The following ABCB4 variants were observed in gnomAD, a reference collection of about 807,000 sequenced individuals.
The protein encoded by ABCB4 is phosphatidylcholine translocator ABCB4.
A neutral mutation model predicts 145.7 loss-of-function variants in ABCB4; 76 were observed. The observed-to-expected ratio is 0.52, with a 90% CI of 0.43 to 0.63. The LOEUF (loss-of-function observed/expected upper bound fraction) is 0.63, where lower values mean the gene tolerates loss of function less well. Ranked by LOEUF, ABCB4 falls within the 30% of genes least tolerant of loss-of-function variation. The pLI is 0.00. For synonymous variants in ABCB4, 517 were observed against 566.8 expected, an observed-to-expected ratio of 0.91 and a Z score of 1.25; for missense variants, 1,234 against 1,553.1, an observed-to-expected ratio of 0.79 and a Z score of 3.45.
At position 87,465,205 on chromosome 7, in the gene ABCB4, C is replaced by T. The variant is rs559855841; in HGVS notation, c.136-2297G>A. ...TACTGCGCTTTTCCAATGGTCTTAG[C>T]AAACGGCACATCAGGAGATTACATC... is the stretch of plus-strand genomic sequence containing the variant. On this transcript the variant is annotated intron_variant, in intron 3 of 27. Coordinates refer to ENST00000649586, the MANE Select transcript of ABCB4 (RefSeq NM_000443.4). 5.3e-5 allele frequency among the ~76,000 whole-genome samples: 8 copies of T among 152,338 alleles called. No individual in the cohort carries two copies. In the South Asian group the frequency reaches 1.7e-3, roughly 32 times the overall value.
At chr7:87,459,775 G>A (rs192927862) in intron 4 of ABCB4, among the ~76,000 whole-genome samples, 65 of 152,296 alleles carry the variant, frequency 4.3e-4, no homozygotes, top group African/African-American at 1.4e-3. Context: ...TTCGCTGGAA[G>A]GCTAATGTGA....
chr7:87,405,030 GA>G (rs1324956743), intron 26 of ABCB4, among the ~76,000 whole-genome samples: 1 of 152,130 alleles, frequency 6.6e-6, no homozygotes, highest in Non-Finnish European at 1.5e-5. Context: ...TTATCCCAAA[GA>G]AATAAAAACT....
At chr7:87,388,670 A>T in the ABCB4 span, among the ~76,000 whole-genome samples, 2 of 152,332 alleles carry the variant, frequency 1.3e-5, no homozygotes, top group East Asian at 3.9e-4. Context: ...ACCCATAAAA[A>T]CTCTAGAAGA....
At chr7:87,411,258 C>T (rs182036307) in intron 23 of ABCB4, among the ~76,000 whole-genome samples, 2 of 152,206 alleles carry the variant, frequency 1.3e-5, no homozygotes, top group Admixed American at 1.3e-4. Flanking sequence ...ATCATCCCAC[C>T]AGAGCAGAAA....
the ABCB4 span, chr7:87,391,716 A>G: frequency 6.2e-7 from 1 of 1,600,304 alleles, no homozygotes. Flanking sequence ...TGTCAATGTG[A>G]GTATTGGAAA....
the ABCB4 span, among the ~76,000 whole-genome samples, chr7:87,387,842 C>T: frequency 6.6e-6 from 1 of 152,136 alleles, no homozygotes; most frequent in Admixed American, 6.5e-5. Flanking sequence ...ATTCCAGCTA[C>T]TCAGGAGGCT....
At chr7:87,393,134 T>C in the ABCB4 span, 1 of 1,513,848 alleles carries the variant, frequency 6.6e-7, no homozygotes, top group South Asian at 1.2e-5. Context: ...TGTTTTTAAA[T>C]GCCTTTCCTA....
At chr7:87,398,359 A>G (rs1562941991), downstream of ABCB4, 1 of 815,080 alleles carries the variant, frequency 1.2e-6, no homozygotes, top group Non-Finnish European at 2.1e-6. Context: ...AGCATTATCT[A>G]CAGATATGGC....
chr7:87,450,899 A>G (rs934654855), intron 7 of ABCB4, among the ~76,000 whole-genome samples: 1 of 152,220 alleles, frequency 6.6e-6, no homozygotes, highest in Non-Finnish European at 1.5e-5. Flanking sequence ...AGGATGAGCA[A>G]AAATTGCCAG....
At chr7:87,380,060 A>G in the ABCB4 span, among the ~76,000 whole-genome samples, 1 of 152,178 alleles carries the variant, frequency 6.6e-6, no homozygotes, top group African/African-American at 2.4e-5. Context: ...GCAGTGAGCC[A>G]TGGTTGTACC....
intron 14 of ABCB4, among the ~76,000 whole-genome samples, chr7:87,432,808 T>C (rs2116620748): frequency 6.6e-6 from 1 of 152,306 alleles, no homozygotes; most frequent in East Asian, 1.9e-4. Context: ...TACAACCTTG[T>C]GAATATTCTA....
chr7:87,418,586 G>T lies in ABCB4; in HGVS notation c.2429C>A (p.Thr810Asn). 6.2e-7 allele frequency: 1 copy of T among 1,614,140 alleles called. No homozygotes were observed. The highest frequency in any genetic ancestry group is 8.5e-7 in the Non-Finnish European group (1 of 1,180,008). Residue 810 changes from threonine (T) to asparagine (N), a missense_variant, in exon 20 of 28, where the codon ACT becomes AAT. By Grantham distance (65) the Thr-to-Asn change is moderately conservative. This residue lies in a region of ABCB4 where 321 missense variants were observed against 332.6 expected (regional missense o/e 0.97). Transcript: ENST00000649586. ...GGCAAGTCTTGTAGAAAGTGCACCAGTACTGTTTTTATGGTCATCAAACCA... is the reference window on the plus strand; with the variant it reads ...GGCAAGTCTTGTAGAAAGTGCACCATTACTGTTTTTATGGTCATCAAACCA... ...MSWFDDHKNS[T>N]GALSTRLATD...
intron 3 of ABCB4, among the ~76,000 whole-genome samples, chr7:87,470,967 C>G (rs1160219674): frequency 1.3e-5 from 2 of 152,058 alleles, no homozygotes; most frequent in Non-Finnish European, 2.9e-5. Flanking sequence ...TGGAACCAAC[C>G]CAAATGTCCA....
At chr7:87,413,745 A>T (rs745368459) in intron 21 of ABCB4, 28 bp from the exon 22 acceptor site, 1 of 1,443,130 alleles carries the variant, frequency 6.9e-7, no homozygotes, top group South Asian at 1.1e-5. Flanking sequence ...CCTTCATTAG[A>T]AGTGGTGTTT....
chr7:87,461,277 C>A (rs956395879), intron 4 of ABCB4, among the ~76,000 whole-genome samples: 1 of 152,218 alleles, frequency 6.6e-6, no homozygotes, highest in South Asian at 2.1e-4. Flanking sequence ...AACTATCTGT[C>A]CTACCACAAC....
At chr7:87,388,697 A>G in the ABCB4 span, among the ~76,000 whole-genome samples, 1 of 152,236 alleles carries the variant, frequency 6.6e-6, no homozygotes, top group Non-Finnish European at 1.5e-5. Flanking sequence ...AGGCAATATC[A>G]TTCAGGACAT....
chr7:87,375,792 G>C, the ABCB4 span: 1 of 1,612,732 alleles, frequency 6.2e-7, no homozygotes, highest in Non-Finnish European at 8.5e-7. Flanking sequence ...TTGTATTTCA[G>C]TTGTAATATT....
chr7:87,366,068 A>G, the ABCB4 span, among the ~76,000 whole-genome samples: 1 of 152,120 alleles, frequency 6.6e-6, no homozygotes, highest in Non-Finnish European at 1.5e-5. Flanking sequence ...AATTTGATCC[A>G]AATTTCCCAT....
chr7:87,406,799 C>G (rs1015626778), intron 25 of ABCB4, among the ~76,000 whole-genome samples: 1 of 152,184 alleles, frequency 6.6e-6, no homozygotes, highest in African/African-American at 2.4e-5. Flanking sequence ...GTTAAAGAAG[C>G]CTGCATCAAG....
Sources: allele counts gnomAD v4.1 joint callset (sites outside exome capture counted in the v4.1 genomes callset), GRCh38; gene constraint gnomAD v4.1.1; regional missense constraint gnomAD v4.1.1; transcripts MANE v1.5; gene names NCBI Gene and HGNC (gene_info 2026-07-23, HGNC 2026-07-21).